Variants in WWC2 observed in about 807,000 individuals in gnomAD.
The protein encoded by WWC2 is WW and C2 domain containing 2, also known as protein WWC2.
In WWC2, 101 loss-of-function variants were observed where a neutral mutation model predicts 138.5. That is an observed-to-expected ratio of 0.73 (90% CI 0.62 to 0.86). WWC2 has a LOEUF of 0.86. Among genes scored for constraint, WWC2 ranks in the 40% least tolerant of loss-of-function variants. The pLI is 0.00. For missense variants in WWC2, 1,420 were observed against 1,419.4 expected, an observed-to-expected ratio of 1.00 and a Z score of -0.01; for synonymous variants, 558 against 538.4, an observed-to-expected ratio of 1.04 and a Z score of -0.50.
chr4:183,190,955 T>C (rs760978953), intron 1 of WWC2, among the ~76,000 whole-genome samples: 1 of 152,342 alleles, frequency 6.6e-6, no homozygotes, highest in East Asian at 1.9e-4. Flanking sequence ...CTAATATTTC[T>C]CTTTTGGCAC....
intron 9 of WWC2, among the ~76,000 whole-genome samples, chr4:183,258,254 C>T (rs189869093): frequency 2.6e-5 from 4 of 152,150 alleles, no homozygotes; most frequent in South Asian, 2.1e-4. Flanking sequence ...CTTTTTTCCT[C>T]GTTGAGTTTT....
At chr4:183,118,162 TTC>T (rs1319433223) in intron 1 of WWC2, among the ~76,000 whole-genome samples, 2 of 152,238 alleles carry the variant, frequency 1.3e-5, no homozygotes, top group East Asian at 3.8e-4. Flanking sequence ...GAAAAATAGT[TTC>T]TTTCAGTCGA....
intron 1 of WWC2, among the ~76,000 whole-genome samples, chr4:183,155,221 A>AGTGAGAGAGAGAGT (rs34320402): frequency 7.4e-6 from 1 of 135,184 alleles, no homozygotes; most frequent in Non-Finnish European, 1.6e-5. Context: ...AGAGAGAGAG[A>AGTGAGAGAGAGAGT]GAGTTAGTTG....
chr4:183,144,743 G>A (rs1733401760), intron 1 of WWC2, among the ~76,000 whole-genome samples: 1 of 152,150 alleles, frequency 6.6e-6, no homozygotes. Context: ...GTTTATAACA[G>A]ACAAGATTTG....
At chr4:183,212,165 A>C (rs1283686897) in intron 4 of WWC2, among the ~76,000 whole-genome samples, 1 of 152,138 alleles carries the variant, frequency 6.6e-6, no homozygotes, top group Admixed American at 6.5e-5. Flanking sequence ...TAGTCCTCGA[A>C]TGTCCTCAAA....
intron 16 of WWC2, among the ~76,000 whole-genome samples, chr4:183,279,821 T>C (rs1738005811): frequency 1.3e-5 from 2 of 152,152 alleles, no homozygotes; most frequent in South Asian, 2.1e-4. Context: ...AAGATTCTTC[T>C]TTTTCTTTGA....
At chr4:183,222,154 G>A (rs1735951945) in intron 4 of WWC2, among the ~76,000 whole-genome samples, 1 of 152,108 alleles carries the variant, frequency 6.6e-6, no homozygotes, top group African/African-American at 2.4e-5. Context: ...CTATAAAGAG[G>A]CGTGAGGAAA....
chr4:183,298,378 T>C (rs1580162784), intron 21 of WWC2, among the ~76,000 whole-genome samples: 1 of 152,128 alleles, frequency 6.6e-6, no homozygotes, highest in Non-Finnish European at 1.5e-5. Context: ...CAAAACTCTT[T>C]AGCTAGCCTG....
In WWC2 at chr4:183,245,225, T is replaced by TA. The variant is rs746541290; in HGVS notation, c.603-167dup. Among the ~76,000 whole-genome samples the TA allele has an allele frequency of 8.1e-3, 565 of 69,326 alleles. 7 individuals carry two copies. Among genetic ancestry groups the TA allele is most frequent in the Middle Eastern group, 0.019 (2 of 108 alleles). The allele number at this position is 69,326 out of a possible 152,430, so 45.5% of individuals were successfully genotyped here. A position where few individuals can be genotyped will look rare whatever the true frequency, so the allele number is the denominator to read the frequency against. On this transcript the variant is annotated intron_variant, in intron 5 of 22. Coordinates refer to ENST00000403733, the MANE Select transcript of WWC2 (RefSeq NM_024949.6). ...CTGGGCGACAGAACAAGACTCCATC[T>TA]AAAAAAAAAAAAAAAAAAAAAAAAG...
rs144080557 is a variant in WWC2, at chr4:183,319,828, C to A, written c.*4099C>A. 6.2e-7 allele frequency: 1 copy of A among 1,613,738 alleles called. No homozygotes were observed. Among genetic ancestry groups the A allele is most frequent in the South Asian group, 1.1e-5 (1 of 91,038 alleles). On this transcript the variant is annotated 3_prime_UTR_variant, in exon 23 of 23. Coordinates refer to ENST00000403733, the MANE Select transcript of WWC2 (RefSeq NM_024949.6). ...CAAGAGACGGGAACCAGGGCTGTGA[C>A]TCCCGAGGCCCAGGACAGAATTCCT...
At chr4:183,255,710 T>C (rs1737113407) in intron 9 of WWC2, among the ~76,000 whole-genome samples, 1 of 152,122 alleles carries the variant, frequency 6.6e-6, no homozygotes, top group Non-Finnish European at 1.5e-5. Flanking sequence ...CTTGCCTTTT[T>C]TATTAGGAGT....
chr4:183,193,715 T>C lies in WWC2; in HGVS notation c.241+7T>C, dbSNP rs1425525792. 1 of 1,609,814 alleles carries C rather than the reference T, an allele frequency of 6.2e-7. No homozygotes were observed. The highest frequency in any genetic ancestry group is 2.2e-5 in the East Asian group (1 of 44,834). Reference sequence around the variant, plus strand: ...TACATCGATCACATCAACAGTAAGTTTTCCTTTTTGGTAAAAGCAAACATA... The same window carrying C: ...TACATCGATCACATCAACAGTAAGTCTTCCTTTTTGGTAAAAGCAAACATA... On this transcript the variant is annotated splice_region_variant and intron_variant, in intron 2 of 22. Coordinates refer to ENST00000403733, the MANE Select transcript of WWC2 (RefSeq NM_024949.6).
At chr4:183,231,917 G>C (rs1012473928) in intron 4 of WWC2, among the ~76,000 whole-genome samples, 23 of 152,204 alleles carry the variant, frequency 1.5e-4, no homozygotes, top group Non-Finnish European at 1.9e-4. Flanking sequence ...AATCAGTCAG[G>C]TGGGGGAGAA....
At chr4:183,184,942 A>G (rs1335903467) in intron 1 of WWC2, among the ~76,000 whole-genome samples, 1 of 152,148 alleles carries the variant, frequency 6.6e-6, no homozygotes, top group African/African-American at 2.4e-5. Context: ...CATAACAGAG[A>G]TACTTGTAAA....
intron 1 of WWC2, among the ~76,000 whole-genome samples, chr4:183,130,371 TA>T (rs1013153733): frequency 2.7e-5 from 4 of 150,736 alleles, no homozygotes; most frequent in Admixed American, 6.6e-5. Context: ...TCTTTAAAAT[TA>T]AAAAAAAAAT....
At position 183,099,608 on chromosome 4, in the gene WWC2, C is replaced by T. The variant is rs773693269; in HGVS notation, c.117C>T (p.Ile39=). Residue 39 remains isoleucine (I), a synonymous_variant, in exon 1 of 23, where the codon ATC becomes ATT. Coordinates refer to ENST00000403733, the MANE Select transcript of WWC2 (RefSeq NM_024949.6). ...IDHNTRRTSW[I]DPRDRLTKPL... ...ACAACACCAGGAGGACCAGCTGGAT[C>T]GACCCCCGGGACAGGTGGGCGCCGG... The T allele has an allele frequency of 7.3e-7, 1 of 1,373,442 alleles. No individual in the cohort carries two copies. Among genetic ancestry groups the T allele is most frequent in the Non-Finnish European group, 9.6e-7 (1 of 1,045,150 alleles). 85.1% of individuals were successfully genotyped at this position (1,373,442 alleles called of 1,614,324 possible).
chr4:183,265,867 A>G lies in WWC2; in HGVS notation c.2123A>G (p.Tyr708Cys), dbSNP rs1346661672. 2 of 1,612,616 alleles carry G rather than the reference A, an allele frequency of 1.2e-6. No individual in the cohort carries two copies. Among genetic ancestry groups the G allele is most frequent in the Non-Finnish European group, 1.7e-6 (2 of 1,179,386 alleles). Residue 708 changes from tyrosine to cysteine, a missense_variant and splice_region_variant, in exon 14 of 23, where the codon TAC (tyrosine) becomes TGC (cysteine). Transcript: ENST00000403733. ...ETAQVQIGLR[Y>C]NAKSSSFMVI... ...TCATTTAGCCTCTCTTTTGACAGAT[A>G]CAATGCAAAAAGTTCAAGTTTCATG...
chr4:183,297,165 G>A (rs998958370), intron 21 of WWC2, among the ~76,000 whole-genome samples: 1 of 151,664 alleles, frequency 6.6e-6, no homozygotes, highest in Non-Finnish European at 1.5e-5. Context: ...TAGAAACCGG[G>A]TTTCACTGTA....
Position 183,269,081 on chromosome 4 carries a change from C to T in WWC2, c.2318C>T (p.Ala773Val). ...SILFNDVFRV[A>V]ISQTALQQKT... ...TTATTCAATGATGTGTTCAGAGTCG[C>T]CATTTCCCAAACAGCCTTACAACAG... Residue 773 changes from alanine to valine, a missense_variant, in exon 15 of 23, where the codon GCC (alanine) becomes GTC (valine). Coordinates refer to ENST00000403733, the MANE Select transcript of WWC2 (RefSeq NM_024949.6). 2 of 1,613,928 alleles carry T rather than the reference C, an allele frequency of 1.2e-6. No individual in the cohort carries two copies. The highest frequency in any genetic ancestry group is 1.7e-6 in the Non-Finnish European group (2 of 1,179,882).
Sources: gnomAD v4.1 joint callset for allele counts (sites outside exome capture counted in the v4.1 genomes callset) on GRCh38, gnomAD v4.1.1 for gene constraint, MANE v1.5 for transcripts, NCBI Gene and HGNC (gene_info 2026-07-23, HGNC 2026-07-21) for gene names.